Variants in BIN1 observed in about 807,000 individuals in gnomAD.
The protein encoded by BIN1 is bridging integrator 1, also known as myc box-dependent-interacting protein 1.
BIN1 carries 53 observed loss-of-function variants against 82.0 expected under a neutral mutation model. That is an observed-to-expected ratio of 0.65 (90% CI 0.52 to 0.81). The LOEUF (loss-of-function observed/expected upper bound fraction) is 0.81. BIN1 is among the 40% of genes least tolerant of loss of function. The probability of loss-of-function intolerance (pLI) is 0.00; values close to 1 mark genes in which losing one functional copy is unlikely to be tolerated. For synonymous variants in BIN1, 302 were observed against 328.0 expected (o/e 0.92, Z 0.86); for missense variants, 642 against 784.4 (o/e 0.82, Z 2.17).
intron 12 of BIN1, chr2:127,054,366 G>T: frequency 2.9e-6 from 1 of 340,552 alleles, no homozygotes; most frequent in South Asian, 2.7e-5. Flanking sequence ...ACCATCCACA[G>T]ACTGGTGGGC....
In BIN1 at chr2:127,068,329, G is replaced by C. The variant is rs1685414478; in HGVS notation, c.520-74C>G. On this transcript the variant is annotated intron_variant, in intron 6 of 18. Coordinates refer to ENST00000316724, the MANE Select transcript of BIN1 (RefSeq NM_139343.3). The surrounding 1 kb of genome is among the most constrained non-coding windows in gnomAD (Gnocchi z 4.9). ...GGGGAGAGAGAAACAGAGACACACA[G>C]ATTAAATGCAGGTCCACACGCCCCA... 2 of 1,293,686 alleles carry C rather than the reference G, an allele frequency of 1.5e-6. No individual in the cohort carries two copies. The allele number at this position is 1,293,686 out of a possible 1,614,324, so 80.1% of individuals were successfully genotyped here. A position where few individuals can be genotyped will look rare whatever the true frequency, so the allele number is the denominator to read the frequency against.
At chr2:127,050,768 G>A (rs771936924) in intron 17 of BIN1, 34 bp downstream of exon 17, 23 of 1,601,618 alleles carry the variant, frequency 1.4e-5, no homozygotes, top group African/African-American at 4.0e-5. Context: ...CCAGGGCACC[G>A]AGGGACTGCA....
At chr2:127,072,653 T>TC (rs1686043894) in intron 2 of BIN1, among the ~76,000 whole-genome samples, 1 of 151,678 alleles carries the variant, frequency 6.6e-6, no homozygotes, top group South Asian at 2.1e-4. Context: ...ATTCCTTTAA[T>TC]CCCCCATAGA....
chr2:127,106,583 G>A (rs1201123630), intron 1 of BIN1, among the ~76,000 whole-genome samples: 1 of 152,158 alleles, frequency 6.6e-6, no homozygotes, highest in Non-Finnish European at 1.5e-5. Flanking sequence ...AGCAGGGCCG[G>A]CCACTGCTGT....
At chr2:127,053,161 G>A in intron 14 of BIN1, 2 of 567,258 alleles carry the variant, frequency 3.5e-6, no homozygotes, top group Non-Finnish European at 6.4e-6. Context: ...GTGAAAACAG[G>A]ACCAGATCTC....
chr2:127,053,884 G>T (rs1310323806), intron 13 of BIN1, 21 bp downstream of exon 13: 1 of 1,547,444 alleles, frequency 6.5e-7, no homozygotes, highest in Non-Finnish European at 8.7e-7. Context: ...GGGCCCATGG[G>T]CAGTGGTGGG....
chr2:127,053,777 G>T, intron 13 of BIN1, 128 bp downstream of exon 13: 2 of 921,062 alleles, frequency 2.2e-6, no homozygotes, highest in Non-Finnish European at 3.4e-6. Context: ...GAGGGCTGAA[G>T]GCTGAGGTGC....
chr2:127,050,895 G>A lies in BIN1; in HGVS notation c.1479C>T (p.Val493=), dbSNP rs773313892. Reference sequence around the variant, plus strand: ...CAGTTGCTGGGAAGGTCTCCACCACGACAGCAGGAAGAGAGCTCTGGTGGC... The same window carrying A: ...CAGTTGCTGGGAAGGTCTCCACCACAACAGCAGGAAGAGAGCTCTGGTGGC... The part of the protein sequence containing the change: ...SEAASSSLPA[V]VVETFPATVN... The change falls in exon 17 of 19, where the codon GTC becomes GTT. Residue 493 remains valine, a synonymous_variant. Transcript: ENST00000316724. 157 of 1,613,876 alleles carry A rather than the reference G, an allele frequency of 9.7e-5. No homozygotes were observed. Among genetic ancestry groups the A allele is most frequent in the Non-Finnish European group, 1.2e-4 (140 of 1,180,012 alleles).
At chr2:127,101,510 C>T (rs995495984) in intron 1 of BIN1, among the ~76,000 whole-genome samples, 6 of 152,174 alleles carry the variant, frequency 3.9e-5, no homozygotes, top group African/African-American at 1.4e-4. Context: ...TGCCACTATA[C>T]TTGGTGGTTT....
In BIN1 at chr2:127,063,935, G is replaced by C; in HGVS notation, c.696C>G (p.Asn232Lys). The C allele has an allele frequency of 6.2e-7, 1 of 1,613,746 alleles. No homozygotes were observed. Among genetic ancestry groups the C allele is most frequent in the Non-Finnish European group, 8.5e-7 (1 of 1,179,984 alleles). The change falls in exon 8 of 19, where the codon AAC (asparagine) becomes AAG (lysine). Residue 232 changes from asparagine to lysine, a missense_variant and splice_region_variant. Coordinates refer to ENST00000316724, the MANE Select transcript of BIN1 (RefSeq NM_139343.3). ...DLQEELPSLW[N>K]SRVGFYVNTF... ...CTGGGCACCGTGCTGGGCCTCACCT[G>C]TTCCACAGGGACGGCAGCTCCTCCT...
intron 1 of BIN1, chr2:127,081,953 C>A: frequency 8.3e-7 from 1 of 1,199,396 alleles, no homozygotes; most frequent in South Asian, 1.4e-5. Context: ...GGATGCACAC[C>A]CTCGTGCCCC....
chr2:127,076,376 C>T (rs1281069354), intron 2 of BIN1, among the ~76,000 whole-genome samples: 1 of 149,600 alleles, frequency 6.7e-6, no homozygotes, highest in Admixed American at 6.7e-5. Flanking sequence ...CCCACCCTCC[C>T]CCTCCCCCTC....
chr2:127,088,000 A>G (rs973738355), intron 1 of BIN1, among the ~76,000 whole-genome samples: 15 of 151,986 alleles, frequency 9.9e-5, no homozygotes, highest in Admixed American at 9.8e-4. Flanking sequence ...CCCAGGCCTC[A>G]CCCTCCAGCT....
intron 1 of BIN1, among the ~76,000 whole-genome samples, chr2:127,083,825 T>C (rs1417284355): frequency 1.3e-5 from 2 of 152,222 alleles, no homozygotes; most frequent in East Asian, 3.8e-4. Flanking sequence ...CCCCACACTC[T>C]GGATCCATCT....
chr2:127,058,064 G>T (rs1444633075), intron 11 of BIN1, among the ~76,000 whole-genome samples: 1 of 152,132 alleles, frequency 6.6e-6, no homozygotes, highest in Non-Finnish European at 1.5e-5. Context: ...CAGGGCACAG[G>T]GCTGCCCACA....
chr2:127,105,615 G>A (rs1409180812), intron 1 of BIN1, among the ~76,000 whole-genome samples: 2 of 152,098 alleles, frequency 1.3e-5, no homozygotes, highest in East Asian at 1.9e-4. Flanking sequence ...ACAGGGATGA[G>A]CAGTAGGACT....
At chr2:127,062,690 G>A (rs1026105151) in intron 9 of BIN1, among the ~76,000 whole-genome samples, 1 of 152,304 alleles carries the variant, frequency 6.6e-6, no homozygotes, top group Non-Finnish European at 1.5e-5. Flanking sequence ...GGAGCTCAGA[G>A]CCGAATCTTC....
intron 1 of BIN1, among the ~76,000 whole-genome samples, chr2:127,101,000 G>GGGGGT (rs1553487401): frequency 9.3e-6 from 1 of 107,574 alleles, no homozygotes; most frequent in Non-Finnish European, 2.1e-5. Flanking sequence ...AGGAATGTGC[G>GGGGGT]GGGGGTGGGG....
intron 2 of BIN1, among the ~76,000 whole-genome samples, chr2:127,071,329 G>A (rs1343309319): frequency 6.6e-6 from 1 of 152,190 alleles, no homozygotes; most frequent in Non-Finnish European, 1.5e-5. Flanking sequence ...GGCCCGGTGC[G>A]AGCCTGTATA....
Sources: gnomAD v4.1 joint callset for allele counts (sites outside exome capture counted in the v4.1 genomes callset) on GRCh38, gnomAD v4.1.1 for gene constraint, Gnocchi (gnomAD v3.1) non-coding constraint, MANE v1.5 for transcripts, NCBI Gene and HGNC (gene_info 2026-07-23, HGNC 2026-07-21) for gene names.